Variants in RGS9 observed in about 807,000 individuals in gnomAD.
RGS9 encodes the protein regulator of G-protein signalling 9.
A neutral mutation model predicts 102.0 loss-of-function variants in RGS9; 78 were observed. The observed-to-expected ratio is 0.76, with a 90% CI of 0.64 to 0.92. The LOEUF (loss-of-function observed/expected upper bound fraction) is 0.92, where lower values mean the gene tolerates loss of function less well. RGS9 is among the 40% of genes least tolerant of loss of function. The pLI, the probability that RGS9 is intolerant of heterozygous loss-of-function variation, is 0.00. For missense variants in RGS9, 833 were observed against 866.1 expected (o/e 0.96, Z 0.48); for synonymous variants, 353 against 318.6 (o/e 1.11, Z -1.15).
intron 17 of RGS9, among the ~76,000 whole-genome samples, chr17:65,212,284 G>A (rs1913335060): frequency 6.6e-6 from 1 of 152,168 alleles, no homozygotes; most frequent in Non-Finnish European, 1.5e-5. Flanking sequence ...CGTTGCAAAA[G>A]ACAGGGAAAG....
rs375833003 is a variant in RGS9 at position 65,190,070 on chromosome 17, G to A, written c.685-105G>A. ...AGGGGGCTGGCTCTGGGCATGGAAC[G>A]GGATGTGGCTCTGGGTAAATGGCTT... On this transcript the variant is annotated intron_variant, in intron 10 of 18. Transcript: ENST00000262406. 43 of 905,842 alleles carry A rather than the reference G, an allele frequency of 4.7e-5. No individual in the cohort carries two copies. The African/African-American group carries it at 4.9e-4, about 10-fold the overall frequency. The allele number at this position is 905,842 out of a possible 1,614,324, so 56.1% of individuals were successfully genotyped here. A position where few individuals can be genotyped will look rare whatever the true frequency, so the allele number is the denominator to read the frequency against.
intron 1 of RGS9, among the ~76,000 whole-genome samples, chr17:65,149,735 A>T (rs528398219): frequency 6.6e-6 from 1 of 152,342 alleles, no homozygotes; most frequent in South Asian, 2.1e-4. Flanking sequence ...TACATAATTA[A>T]ATTCTAAGGG....
chr17:65,176,961 C>T (rs534553043), intron 8 of RGS9, among the ~76,000 whole-genome samples: 1 of 151,582 alleles, frequency 6.6e-6, no homozygotes, highest in African/African-American at 2.4e-5. Context: ...TTCATCCATC[C>T]ATCCCTCCTT....
At chr17:65,188,937 A>G (rs1453454524) in intron 9 of RGS9, 2 of 313,842 alleles carry the variant, frequency 6.4e-6, no homozygotes, top group Non-Finnish European at 1.2e-5. Flanking sequence ...CTCTTAATCC[A>G]TATCTCAGAC....
chr17:65,165,208 C>T (rs1911131520), intron 7 of RGS9, among the ~76,000 whole-genome samples: 1 of 152,146 alleles, frequency 6.6e-6, no homozygotes, highest in Non-Finnish European at 1.5e-5. Context: ...TCTGGGTGCT[C>T]TTGAAGCTTG....
At chr17:65,203,593 C>A (rs1162331558) in intron 14 of RGS9, among the ~76,000 whole-genome samples, 1 of 152,210 alleles carries the variant, frequency 6.6e-6, no homozygotes, top group East Asian at 1.9e-4. Context: ...GCTCTGCATC[C>A]CGACATCCCA....
intron 17 of RGS9, among the ~76,000 whole-genome samples, chr17:65,216,976 G>C (rs1395077654): frequency 6.6e-6 from 1 of 152,216 alleles, no homozygotes; most frequent in Non-Finnish European, 1.5e-5. Context: ...GAGGGCCAGA[G>C]AGTGGATGGA....
intron 15 of RGS9, among the ~76,000 whole-genome samples, chr17:65,207,119 C>T (rs557353660): frequency 7.9e-5 from 12 of 152,260 alleles, no homozygotes; most frequent in South Asian, 2.1e-4. Context: ...CTGGACTCTA[C>T]GCGTTGGTTG....
At chr17:65,142,605 C>T (rs1415870996) in intron 1 of RGS9, among the ~76,000 whole-genome samples, 1 of 142,764 alleles carries the variant, frequency 7.0e-6, no homozygotes, top group Non-Finnish European at 1.5e-5. Context: ...GTTTTTGAGA[C>T]AGAGCCTGTC....
chr17:65,157,372 G>C (rs1036952345), intron 2 of RGS9, among the ~76,000 whole-genome samples: 11 of 151,754 alleles, frequency 7.2e-5, no homozygotes, highest in African/African-American at 2.7e-4. Context: ...TGAGGTGAGA[G>C]GGCCCAGGCT....
At chr17:65,141,799 T>C (rs1189458259) in intron 1 of RGS9, among the ~76,000 whole-genome samples, 1 of 152,148 alleles carries the variant, frequency 6.6e-6, no homozygotes, top group Non-Finnish European at 1.5e-5. Flanking sequence ...AAGTCAGTAG[T>C]TTTTGGCCAG....
At chr17:65,202,444 T>TGAGA (rs1555616144) in intron 14 of RGS9, among the ~76,000 whole-genome samples, 3,328 of 131,674 alleles carry the variant, frequency 0.025, 108 homozygotes, top group African/African-American at 0.064. Context: ...TGTGTGTGTG[T>TGAGA]GAGAGAGAGA....
intron 17 of RGS9, among the ~76,000 whole-genome samples, chr17:65,224,165 C>A (rs1477266942): frequency 1.3e-5 from 2 of 152,198 alleles, no homozygotes; most frequent in African/African-American, 2.4e-5. Flanking sequence ...GTGGTGATAG[C>A]AGACAGGCTC....
chr17:65,203,260 C>T (rs144233885), intron 14 of RGS9, among the ~76,000 whole-genome samples: 39 of 152,234 alleles, frequency 2.6e-4, no homozygotes, highest in African/African-American at 8.7e-4. Flanking sequence ...GGGATCCATG[C>T]GCTGAGAGAA....
intron 17 of RGS9, 71 bp from the exon 18 acceptor site, chr17:65,224,931 G>A: frequency 1.9e-6 from 3 of 1,598,088 alleles, no homozygotes; most frequent in Non-Finnish European, 1.7e-6. Context: ...GTTAGCAGAG[G>A]ACAGCCCAGG....
intron 8 of RGS9, among the ~76,000 whole-genome samples, chr17:65,169,547 C>G (rs949739937): frequency 6.6e-6 from 1 of 152,236 alleles, no homozygotes; most frequent in African/African-American, 2.4e-5. Flanking sequence ...TTTGGCAAGA[C>G]ACCTTGGTGC....
At chr17:65,158,498 CAAAGG>C in intron 3 of RGS9, 153 bp downstream of exon 3, 1 of 771,508 alleles carries the variant, frequency 1.3e-6, no homozygotes, top group South Asian at 1.4e-5. Context: ...GAATCAAAAG[CAAAGG>C]CAGGATAATT....
chr17:65,147,587 CTTTT>C (rs36062784), intron 1 of RGS9, among the ~76,000 whole-genome samples: 5 of 103,696 alleles, frequency 4.8e-5, no homozygotes, highest in Admixed American at 1.1e-4. Context: ...CTTTTAAAAA[CTTTT>C]TTTTTTTTTT....
At chr17:65,220,367 A>C (rs1913662337) in intron 17 of RGS9, among the ~76,000 whole-genome samples, 1 of 152,190 alleles carries the variant, frequency 6.6e-6, no homozygotes, top group South Asian at 2.1e-4. Flanking sequence ...CTCTGTCTGC[A>C]GCTTCTAGGA....
Sources: allele counts gnomAD v4.1 joint callset (sites outside exome capture counted in the v4.1 genomes callset), GRCh38; gene constraint gnomAD v4.1.1; transcripts MANE v1.5; gene names NCBI Gene and HGNC (gene_info 2026-07-23, HGNC 2026-07-21).